OPRM1: variants seen among roughly 807,000 people sequenced by gnomAD.
OPRM1 encodes mu-type opioid receptor.
OPRM1 carries 27 observed loss-of-function variants against 31.8 expected under a neutral mutation model. The observed-to-expected ratio is 0.85, with a 90% CI of 0.63 to 1.17. The LOEUF (loss-of-function observed/expected upper bound fraction) is 1.17. OPRM1 is among the 50% of genes most tolerant of loss of function. OPRM1 has a pLI of 0.00. For synonymous variants in OPRM1, 196 were observed against 189.9 expected (o/e 1.03, Z -0.26); for missense variants, 536 against 511.1 (o/e 1.05, Z -0.47).
At chr6:154,208,354 C>T (rs1274602494) in intron 3 of OPRM1, among the ~76,000 whole-genome samples, 1 of 152,204 alleles carries the variant, frequency 6.6e-6, no homozygotes, top group Non-Finnish European at 1.5e-5. Context: ...ACTCTCACAC[C>T]ACCTTTCAAG....
At chr6:154,202,225 A>T (rs1777127818) in intron 3 of OPRM1, among the ~76,000 whole-genome samples, 2 of 152,210 alleles carry the variant, frequency 1.3e-5, no homozygotes. Flanking sequence ...ATATCTTCTC[A>T]ATAATCATAT....
intron 3 of OPRM1, among the ~76,000 whole-genome samples, chr6:154,104,145 G>A (rs953927347): frequency 1.3e-5 from 2 of 152,150 alleles, no homozygotes; most frequent in African/African-American, 4.8e-5. Flanking sequence ...TTCCTGCCTA[G>A]CTATTAGGGG....
intron 3 of OPRM1, among the ~76,000 whole-genome samples, chr6:154,151,896 G>A (rs1406437642): frequency 3.3e-5 from 5 of 152,090 alleles, no homozygotes; most frequent in South Asian, 4.1e-4. Flanking sequence ...ATAGAGGGCC[G>A]GGCGCGGTGG....
Position 154,123,730 on chromosome 6 carries a change from G to C in OPRM1, c.*5009G>C, listed in dbSNP as rs1797426512. ...TTAAGACCGCATAGGGCAACTTCCT[G>C]ACATTGCCATGGCATTTGTAAACTG... On this transcript the variant is annotated 3_prime_UTR_variant, in exon 4 of 4. Transcript: ENST00000330432. Among the ~76,000 whole-genome samples, 1 of 152,168 alleles carries C rather than the reference G, an allele frequency of 6.6e-6. No homozygotes were observed. The highest frequency in any genetic ancestry group is 1.5e-5 in the Non-Finnish European group (1 of 68,028).
Position 154,212,547 on chromosome 6 carries a change from A to C in OPRM1, c.1165-34146A>C, listed in dbSNP as rs116945938. Among the ~76,000 whole-genome samples the C allele has an allele frequency of 4.1e-4, 63 of 152,370 alleles. 1 individual carries two copies. In the East Asian group the frequency reaches 0.012, roughly 28 times the overall value. On this transcript the variant is annotated intron_variant, in intron 3 of 3. Coordinates refer to the OPRM1 transcript ENST00000337049. ...TCCTCATGAATTCTCTGAGTACGGT[A>C]CATCTTCGGGTCACACACAAATATA...
At chr6:154,037,511 C>T (rs2128391530), upstream of OPRM1, among the ~76,000 whole-genome samples, 1 of 152,080 alleles carries the variant, frequency 6.6e-6, no homozygotes, top group Admixed American at 6.5e-5. Flanking sequence ...AGCAGATAGA[C>T]AAACTATAAT....
At chr6:154,067,757 C>G (rs905068344) in intron 1 of OPRM1, among the ~76,000 whole-genome samples, 16 of 152,024 alleles carry the variant, frequency 1.1e-4, no homozygotes, top group Non-Finnish European at 1.9e-4. Context: ...GATATTGGCA[C>G]TACCTCCTTC....
intron 1 of OPRM1, among the ~76,000 whole-genome samples, chr6:154,011,782 CACAGATGGACAACTAAT>C (rs1185285197): frequency 9.9e-5 from 15 of 151,996 alleles, no homozygotes; most frequent in African/African-American, 3.1e-4. Context: ...TTATTTATTT[CACAGATGGACAACTAAT>C]ACAGATGGTA....
intron 3 of OPRM1, chr6:154,109,088 A>G: frequency 1.0e-6 from 1 of 960,038 alleles, no homozygotes; most frequent in Non-Finnish European, 1.2e-6. Flanking sequence ...CCTCACTCTA[A>G]TAGACAATAC....
chr6:154,136,531 C>T (rs1294571452), downstream of OPRM1, among the ~76,000 whole-genome samples: 5 of 152,186 alleles, frequency 3.3e-5, no homozygotes. Flanking sequence ...TCTCTCATAC[C>T]CACCTGAGGG....
intron 3 of OPRM1, chr6:154,110,535 G>A: frequency 1.5e-6 from 1 of 655,542 alleles, no homozygotes; most frequent in Non-Finnish European, 2.7e-6. Flanking sequence ...GGTTGCTTAT[G>A]GTTGCTTAAG....
intron 1 of OPRM1, among the ~76,000 whole-genome samples, chr6:154,078,225 A>G (rs777457088): frequency 6.6e-6 from 1 of 152,054 alleles, no homozygotes; most frequent in Non-Finnish European, 1.5e-5. Context: ...ACTACTCCCA[A>G]AGTCACACTC....
chr6:154,133,701 G>T (rs191401180), downstream of OPRM1, among the ~76,000 whole-genome samples: 210 of 152,310 alleles, frequency 1.4e-3, no homozygotes, highest in Non-Finnish European at 5.3e-4. Context: ...GCAGTCCAAT[G>T]TGTGTTGGTC....
chr6:154,070,523 C>A (rs1786473475), intron 1 of OPRM1, among the ~76,000 whole-genome samples: 1 of 152,210 alleles, frequency 6.6e-6, no homozygotes, highest in Non-Finnish European at 1.5e-5. Context: ...CTCTTTAGAG[C>A]AATGCCTGGC....
intron 3 of OPRM1, chr6:154,091,951 G>T (rs78873985): frequency 1.7e-5 from 17 of 985,964 alleles, no homozygotes; most frequent in Non-Finnish European, 1.9e-5. Context: ...CAGAAAATTA[G>T]CATCATGGAA....
At chr6:154,011,857 CATT>C (rs536946335) in intron 1 of OPRM1, among the ~76,000 whole-genome samples, 133 of 152,132 alleles carry the variant, frequency 8.7e-4, no homozygotes, top group African/African-American at 3.0e-3. Flanking sequence ...TTGGATTTAA[CATT>C]ATGAAAAAAG....
At chr6:154,086,939 C>CT in intron 1 of OPRM1, 3 of 983,580 alleles carry the variant, frequency 3.1e-6, no homozygotes, top group Non-Finnish European at 3.6e-6. Context: ...TATTCTAAAT[C>CT]TTAAAACCAC....
chr6:154,238,930 TAAA>T (rs945093954), intron 3 of OPRM1, among the ~76,000 whole-genome samples: 1 of 147,348 alleles, frequency 6.8e-6, no homozygotes, highest in African/African-American at 2.5e-5. Context: ...TTGTTTTTTT[TAAA>T]AAAAAAAAGA....
At chr6:154,140,411 A>G (rs951217044) in intron 3 of OPRM1, among the ~76,000 whole-genome samples, 9 of 151,806 alleles carry the variant, frequency 5.9e-5, no homozygotes, top group African/African-American at 2.2e-4. Context: ...GATCACTGCA[A>G]CCTCCATCTC....
Sources: gnomAD v4.1 joint callset for allele counts (sites outside exome capture counted in the v4.1 genomes callset) on GRCh38, gnomAD v4.1.1 for gene constraint, MANE v1.5 for transcripts, NCBI Gene and HGNC (gene_info 2026-07-23, HGNC 2026-07-21) for gene names.